Variants in PKM observed in about 807,000 individuals in gnomAD.
The protein encoded by PKM is pyruvate kinase M1/2.
Under a neutral mutation model 49.8 loss-of-function variants are expected in PKM, and 18 were observed. The observed-to-expected ratio is 0.36, with a 90% confidence interval of 0.25 to 0.54. The LOEUF (loss-of-function observed/expected upper bound fraction) is 0.54. Among genes scored for constraint, PKM ranks in the 20% least tolerant of loss-of-function variants. PKM has a pLI of 0.89. For missense variants in PKM, 508 were observed against 713.8 expected (o/e 0.71, Z 3.28); for synonymous variants, 239 against 261.8 (o/e 0.91, Z 0.84).
chr15:72,206,566 C>A, intron 8 of PKM, 162 bp downstream of exon 8: 1 of 672,262 alleles, frequency 1.5e-6, no homozygotes, highest in Non-Finnish European at 2.5e-6. Flanking sequence ...AAAAAAAAGC[C>A]ACCTCCACTT....
chr15:72,228,586 A>G, intron 1 of PKM: 1 of 1,239,928 alleles, frequency 8.1e-7, no homozygotes, highest in Non-Finnish European at 1.1e-6. Flanking sequence ...CCCAGCGAAG[A>G]TAATTCTCTC....
intron 3 of PKM, among the ~76,000 whole-genome samples, chr15:72,211,249 AG>A (rs2082246035): frequency 6.6e-6 from 1 of 151,976 alleles, no homozygotes; most frequent in African/African-American, 2.4e-5. Flanking sequence ...TTCGATTTTT[AG>A]TAGAGACGGG....
chr15:72,222,999 TCCTC>T (rs2082564691), intron 1 of PKM, among the ~76,000 whole-genome samples: 1 of 146,272 alleles, frequency 6.8e-6, no homozygotes, highest in African/African-American at 2.5e-5. Flanking sequence ...TACCCAACAC[TCCTC>T]CCTCCAACTT....
intron 1 of PKM, chr15:72,228,438 C>A (rs1255876255): frequency 4.7e-6 from 1 of 213,074 alleles, no homozygotes; most frequent in Non-Finnish European, 9.5e-6. Flanking sequence ...AGTGCAGTGG[C>A]GCGATCTCGG....
intron 4 of PKM, 189 bp from the exon 5 acceptor site, chr15:72,210,048 C>A: frequency 1.5e-6 from 1 of 654,954 alleles, no homozygotes. Context: ...GAATATGTTT[C>A]AGTTATGCTA....
chr15:72,207,935 G>A (rs999084494), intron 6 of PKM, among the ~76,000 whole-genome samples: 1 of 152,254 alleles, frequency 6.6e-6, no homozygotes, highest in African/African-American at 2.4e-5. Context: ...CCACAAGAGT[G>A]TGTCTAGCAT....
intron 6 of PKM, among the ~76,000 whole-genome samples, chr15:72,208,244 G>C (rs2082135978): frequency 6.6e-6 from 1 of 152,008 alleles, no homozygotes; most frequent in South Asian, 2.1e-4. Context: ...TTAAGTGTCT[G>C]CTGTCATCTT....
At chr15:72,207,383 C>T in intron 6 of PKM, 106 bp from the exon 7 acceptor site, 1 of 978,330 alleles carries the variant, frequency 1.0e-6, no homozygotes, top group South Asian at 1.3e-5. Context: ...TGTCCTTGTA[C>T]CAGGACAGAC....
At position 72,199,300 on chromosome 15, in the gene PKM, T is replaced by C; in HGVS notation, c.*350A>G. 1 of 420,658 alleles carries C rather than the reference T, an allele frequency of 2.4e-6. No homozygotes were observed. Among genetic ancestry groups the C allele is most frequent in the African/African-American group, 2.0e-5 (1 of 49,198 alleles). 26.1% of individuals were successfully genotyped at this position (420,658 alleles called of 1,614,324 possible). A position where few individuals can be genotyped will look rare whatever the true frequency, so the allele number is the denominator to read the frequency against. The stretch of plus-strand genomic sequence containing the variant: ...CTGTTTCTTGACCCCAAGCCAGGGT[T>C]GGGAGTCCTCTGGGCATCCATTTTT... On this transcript the variant is annotated 3_prime_UTR_variant, in exon 11 of 11. Transcript: ENST00000335181.
In PKM at chr15:72,210,406, G is replaced by A; in HGVS notation, c.319C>T (p.Pro107Ser). The A allele has an allele frequency of 6.2e-7, 1 of 1,614,162 alleles. No individual in the cohort carries two copies. Among genetic ancestry groups the A allele is most frequent in the Non-Finnish European group, 8.5e-7 (1 of 1,180,010 alleles). The change falls in exon 4 of 11, where the codon CCC becomes TCC. Residue 107 changes from proline (P) to serine (S), a missense_variant. Coordinates refer to ENST00000335181, the MANE Select transcript of PKM (RefSeq NM_002654.6). ...TTAGTGTCTAGAGCCACAGCAACGG[G>A]CCGGTAGAGGATGGGGTCAGAAGCA... ...SFASDPILYR[P>S]VAVALDTKGP...
intron 3 of PKM, among the ~76,000 whole-genome samples, chr15:72,212,396 AC>A (rs1474358352): frequency 2.0e-5 from 3 of 151,652 alleles, no homozygotes; most frequent in African/African-American, 7.3e-5. Flanking sequence ...AACCACTTGA[AC>A]CTAGGAGGCA....
At chr15:72,229,630 C>T (rs1280542591) in intron 1 of PKM, 6 of 1,263,142 alleles carry the variant, frequency 4.8e-6, no homozygotes, top group African/African-American at 1.5e-5. Context: ...CTGGTGAGAC[C>T]TTACGAGGCT....
intron 3 of PKM, among the ~76,000 whole-genome samples, chr15:72,215,340 CT>C (rs1371121762): frequency 6.6e-6 from 1 of 152,128 alleles, no homozygotes; most frequent in African/African-American, 2.4e-5. Context: ...GCCCCAGCCC[CT>C]AGTCAAAGGT....
Position 72,199,652 on chromosome 15 carries a change from A to G in PKM, c.1594T>C (p.Ter532ArgextTer26), listed in dbSNP as rs763855114. ...TGGAGGAGGGGCTCTGGGGTCCATC[A>G]CGGCACAGGAACAACACGCATGGTG... ...TNTMRVVPVP[*>R] Residue 532 changes from the stop codon to arginine, a stop_lost, in exon 11 of 11, where the codon TGA (stop) becomes CGA (arginine). Coordinates refer to ENST00000335181, the MANE Select transcript of PKM (RefSeq NM_002654.6). 1 of 1,611,648 alleles carries G rather than the reference A, an allele frequency of 6.2e-7. No individual in the cohort carries two copies. Among genetic ancestry groups the G allele is most frequent in the East Asian group, 2.2e-5 (1 of 44,862 alleles).
chr15:72,220,849 G>T (rs554101962), intron 1 of PKM, among the ~76,000 whole-genome samples: 5 of 151,150 alleles, frequency 3.3e-5, no homozygotes, highest in African/African-American at 1.2e-4. Flanking sequence ...GGGGCCCCTG[G>T]TCCCTTTCCC....
At chr15:72,217,037 T>C (rs2082393353) in intron 3 of PKM, among the ~76,000 whole-genome samples, 1 of 152,230 alleles carries the variant, frequency 6.6e-6, no homozygotes, top group African/African-American at 2.4e-5. Flanking sequence ...TGGTTTACCA[T>C]GGCAACACAA....
At chr15:72,211,972 G>A (rs146729495) in intron 3 of PKM, among the ~76,000 whole-genome samples, 1 of 152,272 alleles carries the variant, frequency 6.6e-6, no homozygotes, top group Admixed American at 6.5e-5. Context: ...AAGTAAGCCT[G>A]CCTGTTATTC....
chr15:72,200,672 G>A lies in PKM; in HGVS notation c.1308-17C>T. 1.2e-6 allele frequency: 2 copies of A among 1,607,806 alleles called. No individual in the cohort carries two copies. Among genetic ancestry groups the A allele is most frequent in the East Asian group, 2.2e-5 (1 of 44,758 alleles). The stretch of plus-strand genomic sequence containing the variant: ...TGAGCAGACCTGAGATGGGATGGGG[G>A]ACATACAGAAGAGACCATTACACGA... On this transcript the variant is annotated splice_polypyrimidine_tract_variant and intron_variant, in intron 9 of 10. Transcript: ENST00000335181. The surrounding 1 kb of genome is among the most constrained non-coding windows in gnomAD (Gnocchi z 4.6).
chr15:72,213,000 G>A (rs772783643), intron 3 of PKM, among the ~76,000 whole-genome samples: 4 of 151,540 alleles, frequency 2.6e-5, no homozygotes, highest in Admixed American at 6.6e-5. Context: ...GTGTGAACCC[G>A]GAAGGCAGAG....
Sources: gnomAD v4.1 joint callset for allele counts (sites outside exome capture counted in the v4.1 genomes callset) on GRCh38, gnomAD v4.1.1 for gene constraint, Gnocchi (gnomAD v3.1) non-coding constraint, MANE v1.5 for transcripts, NCBI Gene and HGNC (gene_info 2026-07-23, HGNC 2026-07-21) for gene names.